Variants in JMJD1C observed in about 807,000 individuals in gnomAD.
JMJD1C encodes jumonji domain containing 1C, also known as jumonji domain-containing protein 1C.
In JMJD1C, 31 loss-of-function variants were observed where a neutral mutation model predicts 245.3. That is an observed-to-expected ratio of 0.13 (90% CI 0.09 to 0.17). The LOEUF (loss-of-function observed/expected upper bound fraction) is 0.17. JMJD1C is among the 10% of genes least tolerant of loss of function. JMJD1C has a pLI of 1.00. For synonymous variants in JMJD1C, 1,057 were observed against 1,017.4 expected, an observed-to-expected ratio of 1.04 and a Z score of -0.74; for missense variants, 2,691 against 3,000.2, an observed-to-expected ratio of 0.90 and a Z score of 2.41.
At chr10:63,417,229 G>A (rs1490682529) in intron 1 of JMJD1C, among the ~76,000 whole-genome samples, 1 of 152,092 alleles carries the variant, frequency 6.6e-6, no homozygotes, top group East Asian at 1.9e-4. Context: ...GGTTATCAAA[G>A]AATTGGAAGT....
rs147895861 is a variant in JMJD1C at position 63,494,687 on chromosome 10, A to G, written n.113+27051T>C. 6.6e-5 allele frequency among the ~76,000 whole-genome samples: 10 copies of G among 152,354 alleles called. No individual in the cohort carries two copies. The East Asian group carries it at 1.9e-3, about 29-fold the overall frequency. On this transcript the variant is annotated intron_variant and non_coding_transcript_variant, in intron 1 of 3. Transcript: ENST00000633035. ...ATCAAAATACATGGACAAATGCACAAAAGTACACACATAGTAATATTCCTT... is the reference window on the plus strand; with the variant it reads ...ATCAAAATACATGGACAAATGCACAGAAGTACACACATAGTAATATTCCTT...
At chr10:63,394,712 C>T (rs996263402) in intron 1 of JMJD1C, among the ~76,000 whole-genome samples, 18 of 152,146 alleles carry the variant, frequency 1.2e-4, no homozygotes, top group South Asian at 8.3e-4. Context: ...GGCTTGGTGG[C>T]GCATGCCTGC....
rs780738874 is a variant in JMJD1C at position 63,208,323 on chromosome 10, T to A, written c.3346A>T (p.Asn1116Tyr). The change falls in exon 10 of 26, where the codon AAT (asparagine) becomes TAT (tyrosine). Residue 1116 changes from asparagine to tyrosine, a missense_variant. Transcript: ENST00000399262. ...TTACTCTGTTTATCACCGTAAATAT[T>A]TGAAACTTCTTTGGATGGGTATGAT... ...PRSYPSKEVS[N>Y]IYGDKQSNAL... 1.2e-6 allele frequency: 2 copies of A among 1,614,154 alleles called. No individual in the cohort carries two copies. Among genetic ancestry groups the A allele is most frequent in the South Asian group, 1.1e-5 (1 of 91,070 alleles).
chr10:63,229,566 G>C (rs775752346), intron 3 of JMJD1C, among the ~76,000 whole-genome samples: 3 of 152,072 alleles, frequency 2.0e-5, no homozygotes, highest in Admixed American at 1.3e-4. Context: ...TCTGCAACTA[G>C]ATGAGACAAA....
chr10:63,214,557 A>T lies in JMJD1C; in HGVS notation c.1610T>A (p.Met537Lys). The T allele has an allele frequency of 6.2e-7, 1 of 1,613,834 alleles. No individual in the cohort carries two copies. The highest frequency in any genetic ancestry group is 8.5e-7 in the Non-Finnish European group (1 of 1,179,932). ...STFGLQTLQK[M>K]DPNVSDSKHS... Reference sequence around the variant, plus strand: ...TTTTGAATCACTAACATTAGGATCCATTTTCTGAAGTGTCTGAAGGCCAAA... The same window carrying T: ...TTTTGAATCACTAACATTAGGATCCTTTTTCTGAAGTGTCTGAAGGCCAAA... The change falls in exon 8 of 26, where the codon ATG becomes AAG. Residue 537 changes from methionine to lysine, a missense_variant. Transcript: ENST00000399262.
At chr10:63,368,412 A>T (rs914872809) in intron 2 of JMJD1C, among the ~76,000 whole-genome samples, 2 of 152,230 alleles carry the variant, frequency 1.3e-5, no homozygotes, top group African/African-American at 4.8e-5. Context: ...AACCAGTCTT[A>T]GTACAAGCCT....
At chr10:63,437,506 G>A (rs1421521772) in intron 1 of JMJD1C, among the ~76,000 whole-genome samples, 1 of 152,012 alleles carries the variant, frequency 6.6e-6, no homozygotes. Context: ...CTAAAGACAG[G>A]GTTCTAGTAA....
At chr10:63,396,518 CAT>C (rs754814065) in intron 1 of JMJD1C, among the ~76,000 whole-genome samples, 8 of 152,192 alleles carry the variant, frequency 5.3e-5, no homozygotes, top group African/African-American at 1.7e-4. Flanking sequence ...AGATTAAAGA[CAT>C]GTGGTGTGCA....
chr10:63,473,911 T>C (rs1253159308), intron 1 of JMJD1C, among the ~76,000 whole-genome samples: 1 of 151,724 alleles, frequency 6.6e-6, no homozygotes, highest in Admixed American at 6.6e-5. Flanking sequence ...GGCATGGTGA[T>C]GGGCACCTGT....
chr10:63,190,209 C>T (rs1844615724), intron 17 of JMJD1C, among the ~76,000 whole-genome samples: 1 of 148,016 alleles, frequency 6.8e-6, no homozygotes, highest in Non-Finnish European at 1.5e-5. Flanking sequence ...CCCCCATATA[C>T]TTTTATTTTT....
intron 1 of JMJD1C, among the ~76,000 whole-genome samples, chr10:63,508,756 T>A (rs2133276238): frequency 6.6e-6 from 1 of 152,300 alleles, no homozygotes; most frequent in Non-Finnish European, 1.5e-5. Flanking sequence ...TGGTATTGTG[T>A]TTTTAATTTC....
chr10:63,201,274 AC>A lies in JMJD1C; in HGVS notation c.5075-598del, dbSNP rs199594280. ...CCTAACATCTTTCCTTTATTATAAT[AC>A]CCTGCATTTGATATCAACATACTGA... is the stretch of plus-strand genomic sequence containing the variant. On this transcript the variant is annotated intron_variant, in intron 10 of 25. Transcript: ENST00000399262. Among the ~76,000 whole-genome samples the A allele has an allele frequency of 6.0e-3, 913 of 152,288 alleles. 8 individuals are homozygous for A. The highest frequency in any genetic ancestry group is 0.021 in the African/African-American group (872 of 41,562).
intron 1 of JMJD1C, among the ~76,000 whole-genome samples, chr10:63,382,496 C>T (rs1947294690): frequency 6.6e-6 from 1 of 152,080 alleles, no homozygotes; most frequent in African/African-American, 2.4e-5. Flanking sequence ...AATTCCATGG[C>T]TTTTCATGAT....
chr10:63,423,751 T>A (rs1950266707), intron 1 of JMJD1C, among the ~76,000 whole-genome samples: 1 of 152,360 alleles, frequency 6.6e-6, no homozygotes, highest in East Asian at 1.9e-4. Context: ...CCATTTTACG[T>A]TCCCATCATC....
intron 2 of JMJD1C, among the ~76,000 whole-genome samples, chr10:63,310,616 G>C (rs1418701641): frequency 2.0e-5 from 3 of 152,136 alleles, no homozygotes; most frequent in African/African-American, 7.2e-5. Context: ...AAATTAACTT[G>C]ATAAATTGAC....
intron 1 of JMJD1C, among the ~76,000 whole-genome samples, chr10:63,423,452 A>G (rs1055640141): frequency 1.3e-5 from 2 of 152,196 alleles, no homozygotes; most frequent in African/African-American, 4.8e-5. Context: ...TAGTGTTTTT[A>G]AGGATTATCC....
In JMJD1C at chr10:63,215,629, G is replaced by C. The variant is rs1847891072; in HGVS notation, c.746C>G (p.Ser249Cys). 5.0e-6 allele frequency: 8 copies of C among 1,610,830 alleles called. No homozygotes were observed. Among genetic ancestry groups the C allele is most frequent in the Non-Finnish European group, 6.8e-6 (8 of 1,177,206 alleles). The change falls in exon 6 of 26, where the codon TCT becomes TGT. Residue 249 changes from serine (S) to cysteine (C), a missense_variant. Ser to Cys is a moderately radical substitution (Grantham distance 112). This residue lies in a region of JMJD1C where 172 missense variants were observed against 240.8 expected (regional missense o/e 0.71). Coordinates refer to ENST00000399262, the MANE Select transcript of JMJD1C (RefSeq NM_032776.3). Reference protein sequence around the residue: ...QMTFLDDVVHSLLKGENIGIT... With the variant: ...QMTFLDDVVHCLLKGENIGIT... ...GCCAATATTTTCACCTTTTAACAAA[G>C]AGTGAACAACATCATCTAGAAAGGT...
chr10:63,509,313 G>T (rs1468767557), intron 1 of JMJD1C, among the ~76,000 whole-genome samples: 1 of 152,122 alleles, frequency 6.6e-6, no homozygotes, highest in Non-Finnish European at 1.5e-5. Flanking sequence ...ATACATTTTT[G>T]GATCAAATTT....
chr10:63,466,954 T>C (rs1158029699), upstream of JMJD1C, among the ~76,000 whole-genome samples: 2 of 152,146 alleles, frequency 1.3e-5, no homozygotes, highest in Non-Finnish European at 2.9e-5. Context: ...TGCTTTTTTA[T>C]AGGTAGTCCA....
Sources: allele counts gnomAD v4.1 joint callset (sites outside exome capture counted in the v4.1 genomes callset), GRCh38; gene constraint gnomAD v4.1.1; regional missense constraint gnomAD v4.1.1; transcripts MANE v1.5; gene names NCBI Gene and HGNC (gene_info 2026-07-23, HGNC 2026-07-21).